Variants in AXDND1 observed in about 807,000 individuals in gnomAD.
The protein encoded by AXDND1 is axonemal dynein light chain domain-containing protein 1.
In AXDND1, 110 loss-of-function variants were observed where a neutral mutation model predicts 137.5. The observed-to-expected ratio is 0.80, with a 90% CI of 0.69 to 0.94. The LOEUF (loss-of-function observed/expected upper bound fraction) is 0.94. Ranked by LOEUF, AXDND1 falls within the 40% of genes least tolerant of loss-of-function variation. The pLI is 0.00. For missense variants in AXDND1, 1,191 were observed against 1,169.8 expected (o/e 1.02, Z -0.26); for synonymous variants, 414 against 399.7 (o/e 1.04, Z -0.43).
chr1:179,527,533 A>G (rs908545047), intron 22 of AXDND1, among the ~76,000 whole-genome samples: 6 of 152,168 alleles, frequency 3.9e-5, no homozygotes, highest in African/African-American at 9.7e-5. Context: ...GCTGAAGTCA[A>G]CAGTTACACT....
At chr1:179,517,759 C>T (rs1669681404) in intron 21 of AXDND1, among the ~76,000 whole-genome samples, 1 of 152,254 alleles carries the variant, frequency 6.6e-6, no homozygotes, top group African/African-American at 2.4e-5. Flanking sequence ...GAGGGTCTCC[C>T]TTTCCCACTT....
At chr1:179,504,689 C>CTGGA (rs1247156590) in intron 20 of AXDND1, among the ~76,000 whole-genome samples, 1 of 152,152 alleles carries the variant, frequency 6.6e-6, no homozygotes, top group Non-Finnish European at 1.5e-5. Flanking sequence ...CATCCCCTGA[C>CTGGA]TGGATGCCCA....
Position 179,447,702 on chromosome 1 carries a change from T to C in AXDND1, c.1798+2498T>C, listed in dbSNP as rs1367870880. The C allele has an allele frequency of 1.5e-5, 20 of 1,345,894 alleles. 1 individual carries two copies. The Middle Eastern group carries it at 7.2e-4, about 48-fold the overall frequency. 83.4% of individuals were successfully genotyped at this position (1,345,894 alleles called of 1,614,324 possible). A position where few individuals can be genotyped will look rare whatever the true frequency, so the allele number is the denominator to read the frequency against. Reference sequence around the variant, plus strand: ...TGCCACCTGGTGGAGGGGGAGACTTTGTAGGCATGACTTTACCTAAACTAT... The same window carrying C: ...TGCCACCTGGTGGAGGGGGAGACTTCGTAGGCATGACTTTACCTAAACTAT... On this transcript the variant is annotated intron_variant, in intron 16 of 25. Transcript: ENST00000367618.
rs538373130 is a variant in AXDND1 at position 179,366,018 on chromosome 1, A to T, written c.-107+18A>T. 6.5e-6 allele frequency: 1 copy of T among 153,312 alleles called. No homozygotes were observed. Among genetic ancestry groups the T allele is most frequent in the Admixed American group, 6.5e-5 (1 of 15,392 alleles). The allele number at this position is 153,312 out of a possible 1,614,324, so 9.5% of individuals were successfully genotyped here. A position where few individuals can be genotyped will look rare whatever the true frequency, so the allele number is the denominator to read the frequency against. On this transcript the variant is annotated intron_variant, in intron 1 of 25. Coordinates refer to ENST00000367618, the MANE Select transcript of AXDND1 (RefSeq NM_144696.6). ...CTGGGCGGGTACGCAATGTGTGGGT[A>T]GGATCGCGGGTGTCCCTTTCCCGTC...
At chr1:179,487,002 C>G (rs1666158050) in intron 18 of AXDND1, among the ~76,000 whole-genome samples, 1 of 148,452 alleles carries the variant, frequency 6.7e-6, no homozygotes, top group Non-Finnish European at 1.5e-5. Context: ...CTAAATGCCC[C>G]AATTAAAAGG....
rs1558226600 is a variant in AXDND1 at position 179,468,523 on chromosome 1, A to G, written c.1879A>G (p.Thr627Ala). Residue 627 changes from threonine (T) to alanine (A), a missense_variant, in exon 17 of 26, where the codon ACG becomes GCG. By Grantham distance (58) the Thr-to-Ala change is moderately conservative. Coordinates refer to ENST00000367618, the MANE Select transcript of AXDND1 (RefSeq NM_144696.6). ...GTTGGAAAACCTGGAGTTTCCTGAT[A>G]CGCCTCTTGAAGAATGGCAGGAAAT... ...FKLENLEFPD[T>A]PLEEWQEIDE... The G allele has an allele frequency of 1.9e-6, 3 of 1,613,090 alleles. No homozygotes were observed. Among genetic ancestry groups the G allele is most frequent in the Non-Finnish European group, 2.5e-6 (3 of 1,179,550 alleles).
intron 15 of AXDND1, among the ~76,000 whole-genome samples, chr1:179,437,273 T>C (rs1286821652): frequency 6.6e-6 from 1 of 152,088 alleles, no homozygotes; most frequent in Admixed American, 6.5e-5. Flanking sequence ...CTGTATTTAT[T>C]AGGCAAAAGA....
intron 9 of AXDND1, among the ~76,000 whole-genome samples, chr1:179,392,059 A>C (rs1650289906): frequency 6.6e-6 from 1 of 152,104 alleles, no homozygotes; most frequent in Non-Finnish European, 1.5e-5. Flanking sequence ...AGAATGGACT[A>C]ATATAACCCA....
intron 21 of AXDND1, 48 bp from the exon 22 acceptor site, chr1:179,525,286 C>A: frequency 6.6e-7 from 1 of 1,523,498 alleles, no homozygotes. Context: ...CAAATAATTG[C>A]TAATATTTAT....
intron 21 of AXDND1, among the ~76,000 whole-genome samples, chr1:179,521,363 TG>T (rs1670044421): frequency 1.3e-5 from 2 of 152,236 alleles, no homozygotes; most frequent in South Asian, 4.1e-4. Flanking sequence ...GTGGATTCTT[TG>T]GGGTTTTCTA....
intron 12 of AXDND1, among the ~76,000 whole-genome samples, chr1:179,416,951 G>A (rs910574261): frequency 2.6e-5 from 4 of 152,036 alleles, no homozygotes; most frequent in African/African-American, 2.4e-5. Flanking sequence ...TTGCATATAC[G>A]GCCCTTTTAT....
intron 25 of AXDND1, among the ~76,000 whole-genome samples, chr1:179,553,421 A>C (rs190252451): frequency 3.3e-5 from 5 of 152,378 alleles, no homozygotes; most frequent in African/African-American, 1.2e-4. Flanking sequence ...TTATTTGATC[A>C]TAAAAAGTAA....
At chr1:179,460,904 T>A (rs1323770022) in intron 16 of AXDND1, among the ~76,000 whole-genome samples, 1 of 152,216 alleles carries the variant, frequency 6.6e-6, no homozygotes, top group Non-Finnish European at 1.5e-5. Flanking sequence ...GGTTGTTTGT[T>A]TTTTTCTTGT....
rs546685439 is a variant in AXDND1, at chr1:179,415,325, G to C, written c.1230+4059G>C. Among the ~76,000 whole-genome samples, 74 of 152,260 alleles carry C rather than the reference G, an allele frequency of 4.9e-4. 1 individual carries two copies. Among genetic ancestry groups the C allele is most frequent in the Admixed American group, 2.2e-3 (33 of 15,296 alleles). ...CCACTGCACTCCAGCCTGGGCAACA[G>C]AGCGAGACTGCATCTCAAAAAACAA... On this transcript the variant is annotated intron_variant, in intron 12 of 25. Coordinates refer to ENST00000367618, the MANE Select transcript of AXDND1 (RefSeq NM_144696.6).
chr1:179,428,589 G>A (rs888089870), intron 12 of AXDND1, among the ~76,000 whole-genome samples: 2 of 152,194 alleles, frequency 1.3e-5, no homozygotes, highest in Non-Finnish European at 1.5e-5. Flanking sequence ...ATCAAAATTA[G>A]TTTCATTATA....
chr1:179,431,513 CT>C (rs1283218429), intron 14 of AXDND1, among the ~76,000 whole-genome samples: 3 of 149,486 alleles, frequency 2.0e-5, no homozygotes, highest in Non-Finnish European at 3.0e-5. Flanking sequence ...TGTTTTTTAA[CT>C]TTAAGATGCT....
At chr1:179,525,578 C>T (rs916726446) in intron 22 of AXDND1, 131 bp downstream of exon 22, 1 of 1,101,166 alleles carries the variant, frequency 9.1e-7, no homozygotes, top group South Asian at 2.0e-5. Flanking sequence ...CTCACTGTAA[C>T]CTCGAACTCT....
At chr1:179,456,434 A>G in intron 16 of AXDND1, 2 of 767,854 alleles carry the variant, frequency 2.6e-6, no homozygotes, top group South Asian at 2.7e-5. Context: ...AACTGCTTCC[A>G]CTACCACCAC....
At chr1:179,419,166 C>T (rs1655246102) in intron 12 of AXDND1, among the ~76,000 whole-genome samples, 1 of 151,294 alleles carries the variant, frequency 6.6e-6, no homozygotes, top group Non-Finnish European at 1.5e-5. Context: ...CCTCACATCC[C>T]AGACGATGGG....
Sources: allele counts gnomAD v4.1 joint callset (sites outside exome capture counted in the v4.1 genomes callset), GRCh38; gene constraint gnomAD v4.1.1; transcripts MANE v1.5; gene names NCBI Gene and HGNC (gene_info 2026-07-23, HGNC 2026-07-21).